GTF2IRD1: variants seen among roughly 807,000 people sequenced by gnomAD.
The protein encoded by GTF2IRD1 is GTF2I repeat domain containing 1.
GTF2IRD1 carries 26 observed loss-of-function variants against 113.2 expected under a neutral mutation model. The observed-to-expected ratio is 0.23, with a 90% confidence interval of 0.17 to 0.32. GTF2IRD1 has a LOEUF of 0.32. Among genes scored for constraint, GTF2IRD1 ranks in the 10% least tolerant of loss-of-function variants. The probability of loss-of-function intolerance (pLI) is 1.00; values close to 1 mark genes in which losing one functional copy is unlikely to be tolerated. For synonymous variants in GTF2IRD1, 484 were observed against 529.1 expected, an observed-to-expected ratio of 0.91 and a Z score of 1.17; for missense variants, 864 against 1,280.8, an observed-to-expected ratio of 0.67 and a Z score of 4.97.
At chr7:74,579,572 C>T (rs587750058) in intron 22 of GTF2IRD1, among the ~76,000 whole-genome samples, 1 of 150,566 alleles carries the variant, frequency 6.6e-6, no homozygotes, top group South Asian at 2.1e-4. Context: ...GAGCCCAGAT[C>T]ACGCCACCGC....
At chr7:74,500,852 T>A (rs898884979) in intron 1 of GTF2IRD1, among the ~76,000 whole-genome samples, 2 of 152,076 alleles carry the variant, frequency 1.3e-5, no homozygotes, top group Non-Finnish European at 2.9e-5. Context: ...GCCTCCTGAG[T>A]AGCTGGGACC....
chr7:74,500,595 G>C (rs1795979945), intron 1 of GTF2IRD1, among the ~76,000 whole-genome samples: 1 of 152,102 alleles, frequency 6.6e-6, no homozygotes, highest in African/African-American at 2.4e-5. Flanking sequence ...GTGTATGTGT[G>C]TGTGTGTGTG....
At chr7:74,495,975 C>T (rs1166915010) in intron 1 of GTF2IRD1, among the ~76,000 whole-genome samples, 1 of 152,190 alleles carries the variant, frequency 6.6e-6, no homozygotes, top group Non-Finnish European at 1.5e-5. Context: ...GTTTTCACTG[C>T]ATTCAGACTG....
At chr7:74,523,973 G>C in intron 7 of GTF2IRD1, 98 bp from the exon 8 acceptor site, 1 of 800,632 alleles carries the variant, frequency 1.2e-6, no homozygotes, top group Non-Finnish European at 2.1e-6. Flanking sequence ...GGCCGGCCTC[G>C]GGGGCTCTGG....
intron 1 of GTF2IRD1, among the ~76,000 whole-genome samples, chr7:74,455,541 A>G (rs1554327019): frequency 6.6e-6 from 1 of 152,092 alleles, no homozygotes; most frequent in Non-Finnish European, 1.5e-5. Context: ...TATTTATTCT[A>G]AGCAGGAGGA....
chr7:74,585,836 C>T (rs146003102), intron 22 of GTF2IRD1, among the ~76,000 whole-genome samples: 2,084 of 151,642 alleles, frequency 0.014, 67 homozygotes, highest in African/African-American at 0.047. Flanking sequence ...GAGCCAAGAT[C>T]GCACCACTGC....
intron 26 of GTF2IRD1, 158 bp downstream of exon 26, chr7:74,601,338 C>G: frequency 6.5e-7 from 1 of 1,534,858 alleles, no homozygotes; most frequent in Non-Finnish European, 8.7e-7. Flanking sequence ...ATGCATCCAC[C>G]TGTCTCACCC....
chr7:74,500,433 A>G (rs1258291454), intron 1 of GTF2IRD1, among the ~76,000 whole-genome samples: 6 of 151,938 alleles, frequency 3.9e-5, no homozygotes, highest in African/African-American at 1.2e-4. Context: ...TAAAAAAAAA[A>G]AAAAAGAAAA....
chr7:74,497,657 C>T (rs1795809093), intron 1 of GTF2IRD1, among the ~76,000 whole-genome samples: 1 of 152,138 alleles, frequency 6.6e-6, no homozygotes. Context: ...CCAATTTCCC[C>T]ACGTTCTCAC....
intron 22 of GTF2IRD1, among the ~76,000 whole-genome samples, chr7:74,580,511 C>A (rs1380522295): frequency 6.6e-6 from 1 of 151,986 alleles, no homozygotes; most frequent in Non-Finnish European, 1.5e-5. Flanking sequence ...AGGCACCACC[C>A]GAGCCAGTTG....
chr7:74,579,158 C>T (rs1286252956), intron 22 of GTF2IRD1, among the ~76,000 whole-genome samples: 2 of 152,032 alleles, frequency 1.3e-5, no homozygotes, highest in African/African-American at 4.8e-5. Context: ...CCTGTCTCTA[C>T]AAAAATGTTA....
chr7:74,543,052 T>C (rs1798717830), intron 14 of GTF2IRD1, among the ~76,000 whole-genome samples: 1 of 149,418 alleles, frequency 6.7e-6, no homozygotes, highest in East Asian at 2.0e-4. Context: ...ACACTTATAA[T>C]CCCAGCACTT....
chr7:74,523,007 G>T (rs587754167), intron 7 of GTF2IRD1, among the ~76,000 whole-genome samples: 1 of 152,206 alleles, frequency 6.6e-6, no homozygotes, highest in East Asian at 1.9e-4. Context: ...CAAGGCCAGT[G>T]CTGAGTGAGA....
intron 8 of GTF2IRD1, among the ~76,000 whole-genome samples, chr7:74,526,359 C>T (rs78356784): frequency 2.0e-5 from 3 of 152,162 alleles, no homozygotes; most frequent in African/African-American, 7.2e-5. Flanking sequence ...GGGGACCCCA[C>T]GGGTGGTGGG....
intron 9 of GTF2IRD1, among the ~76,000 whole-genome samples, chr7:74,532,888 C>T (rs1798055026): frequency 6.6e-6 from 1 of 152,168 alleles, no homozygotes; most frequent in African/African-American, 2.4e-5. Flanking sequence ...TACATTCCCC[C>T]TAGAGCCCAA....
Position 74,590,943 on chromosome 7 carries a change from G to T in GTF2IRD1, c.2517G>T (p.Thr839=). ...ACATCCCCTTCCGGAACCCCAACAC[G>T]TACGACATCCACCGGCTGGAGAAGA... ...PDDIPFRNPN[T]YDIHRLEKIL... is the part of the protein sequence containing the mutation. The change falls in exon 24 of 27, where the codon ACG becomes ACT. Residue 839 remains threonine, a synonymous_variant. Coordinates refer to ENST00000424337, the MANE Select transcript of GTF2IRD1 (RefSeq NM_005685.4). 1.9e-6 allele frequency: 3 copies of T among 1,613,596 alleles called. No homozygotes were observed. Among genetic ancestry groups the T allele is most frequent in the Non-Finnish European group, 2.5e-6 (3 of 1,179,828 alleles).
At chr7:74,540,749 G>A (rs1798585945) in intron 14 of GTF2IRD1, among the ~76,000 whole-genome samples, 1 of 151,872 alleles carries the variant, frequency 6.6e-6, no homozygotes, top group South Asian at 2.1e-4. Flanking sequence ...GGGAGTTCAA[G>A]ATCAGCCTGG....
chr7:74,600,583 C>G (rs1476256778), intron 25 of GTF2IRD1, among the ~76,000 whole-genome samples: 4 of 152,092 alleles, frequency 2.6e-5, no homozygotes, highest in African/African-American at 9.7e-5. Context: ...TGGTGGCAGA[C>G]ACCTATAACC....
At chr7:74,455,374 G>A (rs1178478384) in intron 1 of GTF2IRD1, among the ~76,000 whole-genome samples, 4 of 152,230 alleles carry the variant, frequency 2.6e-5, no homozygotes, top group East Asian at 1.9e-4. Flanking sequence ...ACCCTGGCGC[G>A]CCGCTGCCAT....
Sources: gnomAD v4.1 joint callset for allele counts (sites outside exome capture counted in the v4.1 genomes callset) on GRCh38, gnomAD v4.1.1 for gene constraint, MANE v1.5 for transcripts, NCBI Gene and HGNC (gene_info 2026-07-23, HGNC 2026-07-21) for gene names.